Variants in PTPRG observed in about 807,000 individuals in gnomAD.
PTPRG encodes protein tyrosine phosphatase receptor type G, also known as receptor-type tyrosine-protein phosphatase gamma.
PTPRG carries 102 observed loss-of-function variants against 165.3 expected under a neutral mutation model. The ratio of observed to expected loss-of-function variants is 0.62; its 90% confidence interval spans 0.53 to 0.73. The LOEUF (loss-of-function observed/expected upper bound fraction) is 0.73. Among genes scored for constraint, PTPRG ranks in the 30% least tolerant of loss-of-function variants. The pLI is 0.00. For synonymous variants in PTPRG, 675 were observed against 669.5 expected, an observed-to-expected ratio of 1.01 and a Z score of -0.13; for missense variants, 1,866 against 1,861.4, an observed-to-expected ratio of 1.00 and a Z score of -0.05.
intron 4 of PTPRG, among the ~76,000 whole-genome samples, chr3:62,049,912 G>T (rs17065783): frequency 6.6e-6 from 1 of 152,044 alleles, no homozygotes; most frequent in Non-Finnish European, 1.5e-5. Context: ...AAAAACATCA[G>T]AAAATGGTGT....
chr3:61,875,172 G>A (rs1331452911), intron 2 of PTPRG, among the ~76,000 whole-genome samples: 1 of 152,140 alleles, frequency 6.6e-6, no homozygotes, highest in Non-Finnish European at 1.5e-5. Context: ...GTGTGTAGAA[G>A]TCATATGTCA....
intron 2 of PTPRG, among the ~76,000 whole-genome samples, chr3:61,883,571 A>G (rs755773099): frequency 6.6e-6 from 1 of 152,208 alleles, no homozygotes; most frequent in Non-Finnish European, 1.5e-5. Flanking sequence ...TAAGAATTCC[A>G]TGGGGACAAA....
intron 5 of PTPRG, among the ~76,000 whole-genome samples, chr3:62,106,646 G>A (rs1007000851): frequency 1.3e-5 from 2 of 152,060 alleles, no homozygotes; most frequent in African/African-American, 2.4e-5. Context: ...GGGACTACGG[G>A]CATGTGCCAC....
intron 1 of PTPRG, among the ~76,000 whole-genome samples, chr3:61,638,417 ATAAGGTAAACC>A (rs1254221320): frequency 6.6e-6 from 1 of 152,092 alleles, no homozygotes; most frequent in African/African-American, 2.4e-5. Flanking sequence ...CCCAACAAAC[ATAAGGTAAACC>A]TAAGGTTTAC....
rs536163018 is a variant in PTPRG at position 62,210,885 on chromosome 3, G to T, written c.2155+6935G>T. Among the ~76,000 whole-genome samples, 9 of 152,238 alleles carry T rather than the reference G, an allele frequency of 5.9e-5. No homozygotes were observed. In the East Asian group the frequency reaches 1.2e-3, roughly 20 times the overall value. On this transcript the variant is annotated intron_variant, in intron 12 of 29. Transcript: ENST00000474889. The surrounding 1 kb of genome is among the most constrained non-coding windows in gnomAD (Gnocchi z 4.1). The stretch of plus-strand genomic sequence containing the variant: ...GTTAACTATTTATGTTATTGGTGAG[G>T]CTTCCGGTCATCAGTAGGCTATTAG...
intron 1 of PTPRG, among the ~76,000 whole-genome samples, chr3:61,660,911 A>T (rs926927334): frequency 1.6e-4 from 24 of 152,126 alleles, no homozygotes; most frequent in Admixed American, 1.4e-3. Flanking sequence ...CTGAGGCATG[A>T]GAATCGCTTG....
At chr3:61,722,213 C>A (rs2032077722) in intron 1 of PTPRG, among the ~76,000 whole-genome samples, 1 of 137,998 alleles carries the variant, frequency 7.2e-6, no homozygotes, top group Admixed American at 7.5e-5. Flanking sequence ...AGAGAGAGGG[C>A]AAAACAAATA....
At chr3:62,071,914 A>G (rs954601554) in intron 4 of PTPRG, among the ~76,000 whole-genome samples, 1 of 151,518 alleles carries the variant, frequency 6.6e-6, no homozygotes, top group Non-Finnish European at 1.5e-5. Flanking sequence ...GGTACTTACT[A>G]AAGGTTTGAA....
intron 2 of PTPRG, among the ~76,000 whole-genome samples, chr3:61,923,581 G>A (rs2039134296): frequency 9.4e-6 from 1 of 106,942 alleles, no homozygotes; most frequent in Admixed American, 1.2e-4. Flanking sequence ...AACAGCCCCC[G>A]GTGTGTGATG....
chr3:61,793,806 A>G (rs1187972577), intron 2 of PTPRG, among the ~76,000 whole-genome samples: 1 of 152,148 alleles, frequency 6.6e-6, no homozygotes, highest in Non-Finnish European at 1.5e-5. Context: ...AGCTAAAAGG[A>G]CCAAAGTTAA....
chr3:61,972,731 C>T (rs934665035), intron 2 of PTPRG, among the ~76,000 whole-genome samples: 3 of 150,880 alleles, frequency 2.0e-5, no homozygotes, highest in Non-Finnish European at 2.9e-5. Context: ...TGGCTTACTG[C>T]AGCCTTGATC....
At chr3:62,177,462 T>G (rs1488059496) in intron 8 of PTPRG, among the ~76,000 whole-genome samples, 2 of 152,202 alleles carry the variant, frequency 1.3e-5, no homozygotes, top group African/African-American at 4.8e-5. Flanking sequence ...GACAACCTGT[T>G]ATATGTGACA....
At chr3:62,256,992 C>A (rs955835800) in intron 16 of PTPRG, among the ~76,000 whole-genome samples, 1 of 152,038 alleles carries the variant, frequency 6.6e-6, no homozygotes, top group African/African-American at 2.4e-5. Context: ...ATAGTATTAG[C>A]TGATACTTAT....
At chr3:61,687,068 G>A (rs1041225570) in intron 1 of PTPRG, among the ~76,000 whole-genome samples, 9 of 152,146 alleles carry the variant, frequency 5.9e-5, no homozygotes, top group African/African-American at 2.2e-4. Context: ...TGACCACTGG[G>A]ACTAGCAAAG....
chr3:61,641,030 G>T (rs146584286), intron 1 of PTPRG, among the ~76,000 whole-genome samples: 2,441 of 152,264 alleles, frequency 0.016, 32 homozygotes, highest in Middle Eastern at 0.027. Context: ...GCTAGAAGAT[G>T]TCCAGGCAGG....
At chr3:62,027,909 T>A (rs1699623153) in intron 4 of PTPRG, among the ~76,000 whole-genome samples, 1 of 152,234 alleles carries the variant, frequency 6.6e-6, no homozygotes, top group Admixed American at 6.5e-5. Context: ...AAAAATCACA[T>A]CACTTGTTGG....
Position 62,168,065 on chromosome 3 carries a change from T to G in PTPRG, c.935T>G (p.Leu312Arg). 1 of 1,614,084 alleles carries G rather than the reference T, an allele frequency of 6.2e-7. No homozygotes were observed. Among genetic ancestry groups the G allele is most frequent in the Non-Finnish European group, 8.5e-7 (1 of 1,179,992 alleles). The change falls in exon 8 of 30, where the codon CTG becomes CGG. Residue 312 changes from leucine (L) to arginine (R), a missense_variant. This residue lies in a region of PTPRG where 1,452 missense variants were observed against 1,463.0 expected (regional missense o/e 0.99). Coordinates refer to ENST00000474889, the MANE Select transcript of PTPRG (RefSeq NM_002841.4). ...AATAACTTTCGACCACAGCAGCGTC[T>G]GCATGACAGGGTGGTGTCCAAGTCC... ...LRNNFRPQQR[L>R]HDRVVSKSAV...
intron 2 of PTPRG, among the ~76,000 whole-genome samples, chr3:61,925,064 G>A (rs545641926): frequency 6.6e-6 from 1 of 152,258 alleles, no homozygotes; most frequent in South Asian, 2.1e-4. Context: ...CTCCAGAACT[G>A]TGAGAAATAA....
At chr3:62,194,834 T>C (rs1454168718) in intron 9 of PTPRG, among the ~76,000 whole-genome samples, 1 of 152,002 alleles carries the variant, frequency 6.6e-6, no homozygotes, top group Non-Finnish European at 1.5e-5. Flanking sequence ...TGTTACTCTT[T>C]CCTGTGTCCT....
Sources: allele counts gnomAD v4.1 joint callset (sites outside exome capture counted in the v4.1 genomes callset), GRCh38; gene constraint gnomAD v4.1.1; regional missense constraint gnomAD v4.1.1; non-coding constraint Gnocchi (gnomAD v3.1); transcripts MANE v1.5; gene names NCBI Gene and HGNC (gene_info 2026-07-23, HGNC 2026-07-21).